MICAL2: variants seen among roughly 807,000 people sequenced by gnomAD.
MICAL2 encodes microtubule associated monooxygenase, calponin and LIM domain containing 2.
MICAL2 carries 77 observed loss-of-function variants against 127.3 expected under a neutral mutation model. The observed-to-expected ratio is 0.60, with a 90% CI of 0.50 to 0.73. The LOEUF is 0.73. MICAL2 is among the 30% of genes least tolerant of loss of function. The pLI is 0.00. For synonymous variants in MICAL2, 570 were observed against 551.1 expected, an observed-to-expected ratio of 1.03 and a Z score of -0.48; for missense variants, 1,351 against 1,434.4, an observed-to-expected ratio of 0.94 and a Z score of 0.94.
chr11:12,294,057 G>T, downstream of MICAL2: 1 of 1,614,130 alleles, frequency 6.2e-7, no homozygotes, highest in Non-Finnish European at 8.5e-7. Context: ...GCTGGGGAGC[G>T]AATTTCCCAG....
At chr11:12,354,810 A>T (rs757640448) in exon 34 of MICAL2, 1 of 1,614,142 alleles carries the variant, frequency 6.2e-7, no homozygotes, top group South Asian at 1.1e-5. Context: ...TTAGAAGATC[A>T]TCAAAGCAGA....
chr11:12,188,725 T>G (rs908630941), intron 3 of MICAL2, among the ~76,000 whole-genome samples: 4 of 152,170 alleles, frequency 2.6e-5, no homozygotes, highest in Admixed American at 2.0e-4. Context: ...GGGCAGGTTA[T>G]GTAACATTTC....
chr11:12,330,123 G>A (rs952084657), intron 32 of MICAL2, among the ~76,000 whole-genome samples: 4 of 152,148 alleles, frequency 2.6e-5, no homozygotes, highest in African/African-American at 9.7e-5. Context: ...GGCCTCAAAA[G>A]CAACCAAATG....
Position 12,151,165 on chromosome 11 carries a change from A to C in MICAL2, c.-77-10914A>C, listed in dbSNP as rs1199260603. ...GGAAATGAACTAGCTTATCTGTTCT[A>C]GTCTCCTGTCTTATGCTATTTGCAA... On this transcript the variant is annotated intron_variant, in intron 2 of 27. Coordinates refer to ENST00000683283, the MANE Select transcript of MICAL2 (RefSeq NM_001282663.2). 3.3e-5 allele frequency among the ~76,000 whole-genome samples: 5 copies of C among 152,256 alleles called. No individual in the cohort carries two copies. In the East Asian group the frequency reaches 9.6e-4, roughly 29 times the overall value.
At chr11:12,187,806 T>C (rs1383961298) in intron 3 of MICAL2, among the ~76,000 whole-genome samples, 3 of 151,102 alleles carry the variant, frequency 2.0e-5, no homozygotes, top group Non-Finnish European at 4.4e-5. Flanking sequence ...TGGGTGGGCT[T>C]CCCAGGGCAC....
chr11:12,158,383 A>C (rs563253147), intron 2 of MICAL2, among the ~76,000 whole-genome samples: 34 of 152,262 alleles, frequency 2.2e-4, no homozygotes, highest in African/African-American at 7.7e-4. Context: ...AGTATTGGTT[A>C]TCACATACAT....
At chr11:12,221,061 C>T (rs186918231) in intron 9 of MICAL2, among the ~76,000 whole-genome samples, 1 of 152,208 alleles carries the variant, frequency 6.6e-6, no homozygotes, top group Non-Finnish European at 1.5e-5. Context: ...GCAGATTAGT[C>T]AGCACTCAGC....
chr11:12,194,925 A>G (rs1446422229), intron 3 of MICAL2, among the ~76,000 whole-genome samples: 1 of 152,250 alleles, frequency 6.6e-6, no homozygotes, highest in Non-Finnish European at 1.5e-5. Context: ...TTATACAGGC[A>G]GTAGGAAAAA....
At chr11:12,211,752 A>G (rs1402806172) in intron 6 of MICAL2, among the ~76,000 whole-genome samples, 11 of 152,136 alleles carry the variant, frequency 7.2e-5, no homozygotes, top group Admixed American at 7.2e-4. Context: ...AGCAAAATAG[A>G]CATGGGGTTT....
chr11:12,176,972 A>T (rs1297834531), intron 3 of MICAL2, among the ~76,000 whole-genome samples: 1 of 152,168 alleles, frequency 6.6e-6, no homozygotes, highest in Non-Finnish European at 1.5e-5. Context: ...GGATATACGT[A>T]TCTATTTCTT....
downstream of MICAL2, among the ~76,000 whole-genome samples, chr11:12,266,516 G>C (rs578196823): frequency 3.3e-5 from 5 of 152,234 alleles, no homozygotes; most frequent in Non-Finnish European, 7.3e-5. Flanking sequence ...GTTATATAGG[G>C]AACATTTTCT....
chr11:12,304,637 AACACACACACACACACACAC>A (rs57280679), intron 29 of MICAL2, among the ~76,000 whole-genome samples: 1 of 128,838 alleles, frequency 7.8e-6, no homozygotes, highest in Non-Finnish European at 1.6e-5. Flanking sequence ...CTCTGTCTCA[AACACACACACACACACACAC>A]ACACACACAC....
intron 1 of MICAL2, among the ~76,000 whole-genome samples, chr11:12,131,519 C>G (rs1454364001): frequency 1.3e-5 from 2 of 152,312 alleles, no homozygotes; most frequent in African/African-American, 4.8e-5. Flanking sequence ...TCCCCCAAGT[C>G]TGGATTCAGC....
intron 26 of MICAL2, chr11:12,262,069 C>G (rs145203421): frequency 5.4e-5 from 58 of 1,081,152 alleles, no homozygotes; most frequent in Non-Finnish European, 6.2e-5. Context: ...CGAGACAGGG[C>G]GTGCCTGTCA....
At chr11:12,191,326 G>T (rs1565131052) in intron 3 of MICAL2, among the ~76,000 whole-genome samples, 1 of 151,860 alleles carries the variant, frequency 6.6e-6, no homozygotes, top group Non-Finnish European at 1.5e-5. Flanking sequence ...AGAAAAATTA[G>T]CTGGGTGTGG....
chr11:12,128,495 T>C (rs959438022), intron 1 of MICAL2, among the ~76,000 whole-genome samples: 3 of 152,236 alleles, frequency 2.0e-5, no homozygotes, highest in African/African-American at 7.2e-5. Context: ...ATTGTGTAAA[T>C]GTAAACATTG....
intron 17 of MICAL2, among the ~76,000 whole-genome samples, chr11:12,240,045 G>C (rs141903306): frequency 0.013 from 1,923 of 152,322 alleles, 23 homozygotes; most frequent in Non-Finnish European, 0.02. Flanking sequence ...GGCTGGCTGG[G>C]AAAGTACAAA....
At chr11:12,257,376 C>T (rs888037084) in intron 24 of MICAL2, 6 of 172,392 alleles carry the variant, frequency 3.5e-5, no homozygotes, top group Non-Finnish European at 7.3e-5. Flanking sequence ...ATATTACTTA[C>T]ATAGTATGTG....
intron 3 of MICAL2, among the ~76,000 whole-genome samples, chr11:12,173,680 C>T (rs1450042325): frequency 6.6e-6 from 1 of 152,120 alleles, no homozygotes; most frequent in Non-Finnish European, 1.5e-5. Context: ...ACTTTGTGAC[C>T]ATTATGCAAA....
Sources: gnomAD v4.1 joint callset for allele counts (sites outside exome capture counted in the v4.1 genomes callset) on GRCh38, gnomAD v4.1.1 for gene constraint, MANE v1.5 for transcripts, NCBI Gene and HGNC (gene_info 2026-07-23, HGNC 2026-07-21) for gene names.